The following MROH7 variants were observed in gnomAD, a reference collection of about 807,000 sequenced individuals.
MROH7 encodes the protein maestro heat like repeat family member 7.
A neutral mutation model predicts 129.2 loss-of-function variants in MROH7; 113 were observed. That is an observed-to-expected ratio of 0.87 (90% CI 0.75 to 1.02). The LOEUF (loss-of-function observed/expected upper bound fraction) is 1.02, where lower values mean the gene tolerates loss of function less well. MROH7 is among the 50% of genes least tolerant of loss of function. The pLI is 0.00. For synonymous variants in MROH7, 655 were observed against 667.9 expected, an observed-to-expected ratio of 0.98 and a Z score of 0.30; for missense variants, 1,601 against 1,671.3, an observed-to-expected ratio of 0.96 and a Z score of 0.73.
chr1:54,686,448 G>A lies in MROH7; in HGVS notation c.2711G>A (p.Arg904His), dbSNP rs762860440. 4.3e-5 allele frequency: 70 copies of A among 1,613,338 alleles called. No homozygotes were observed. Among genetic ancestry groups the A allele is most frequent in the Non-Finnish European group, 5.3e-5 (63 of 1,179,822 alleles). The change falls in exon 15 of 24, where the codon CGC becomes CAC. Residue 904 changes from arginine to histidine, a missense_variant and splice_region_variant. Transcript: ENST00000421030. Reference protein sequence around the residue: ...GAQPSPFVPVRWVVKVVKTLL... With the variant: ...GAQPSPFVPVHWVVKVVKTLL... ...CAGCCCTCTCCCTTCGTACCTGTGC[G>A]GTATGCTCTGCCCTCTCTCTTGACC... is the stretch of plus-strand genomic sequence containing the variant.
At chr1:54,674,494 G>C (rs1167696454) in intron 10 of MROH7, among the ~76,000 whole-genome samples, 2 of 152,114 alleles carry the variant, frequency 1.3e-5, no homozygotes, top group East Asian at 3.9e-4. Context: ...CCCCACTAGA[G>C]ACTATAATCC....
In MROH7 at chr1:54,663,186, C is replaced by T. The variant is rs1702008; in HGVS notation, c.1232-1981C>T. Among the ~76,000 whole-genome samples, 26 of 151,800 alleles carry T rather than the reference C, an allele frequency of 1.7e-4. No homozygotes were observed. The South Asian group carries it at 2.1e-3, about 12-fold the overall frequency. On this transcript the variant is annotated intron_variant, in intron 3 of 23. Coordinates refer to ENST00000421030, the MANE Select transcript of MROH7 (RefSeq NM_001039464.4). ...ATATCCCATTCCTCATCAAACTTTC[C>T]ATTTATTTATTTATTTATTTATTTG...
chr1:54,666,722 T>C (rs1342847900), intron 4 of MROH7, among the ~76,000 whole-genome samples: 1 of 151,928 alleles, frequency 6.6e-6, no homozygotes, highest in African/African-American at 2.4e-5. Context: ...GCTGGGATTA[T>C]AGCAGTGAGC....
intron 17 of MROH7, among the ~76,000 whole-genome samples, chr1:54,696,517 C>T (rs1645324428): frequency 6.6e-6 from 1 of 152,108 alleles, no homozygotes; most frequent in African/African-American, 2.4e-5. Flanking sequence ...CTATTCTACT[C>T]TCTATCTCTA....
Position 54,710,096 on chromosome 1 carries a change from GC to G in MROH7, c.3885del (p.Ser1296AlafsTer26), listed in dbSNP as rs752803994. 1.2e-6 allele frequency: 2 copies of G among 1,614,014 alleles called. No individual in the cohort carries two copies. Among genetic ancestry groups the G allele is most frequent in the South Asian group, 1.1e-5 (1 of 91,068 alleles). ...TACTCAGCCACCACCCACCGCTGGA[GC>G]CCCAGCTGTGAGAACCTGCCCACTT... is the stretch of plus-strand genomic sequence containing the variant. ...VCYSATTHRW[S>X]PSCENLPTSH... On this transcript the variant is annotated frameshift_variant, in exon 24 of 24. Transcript: ENST00000421030. LOFTEE classifies it high-confidence loss of function.
At chr1:54,656,750 G>T (rs985222127) in intron 3 of MROH7, among the ~76,000 whole-genome samples, 3 of 152,074 alleles carry the variant, frequency 2.0e-5, no homozygotes, top group African/African-American at 7.2e-5. Flanking sequence ...GGCAGAGGTT[G>T]CAGTAAGCCA....
intron 3 of MROH7, among the ~76,000 whole-genome samples, chr1:54,662,531 C>T (rs142396031): frequency 1.3e-5 from 2 of 149,976 alleles, no homozygotes; most frequent in East Asian, 3.9e-4. Context: ...AGTGAGACTC[C>T]ATTTCAAAGA....
intron 13 of MROH7, 112 bp from the exon 14 acceptor site, chr1:54,682,544 C>T: frequency 9.9e-7 from 1 of 1,012,616 alleles, no homozygotes; most frequent in South Asian, 1.5e-5. Context: ...CAGGTGTGCC[C>T]ATGGATGCCA....
Position 54,685,107 on chromosome 1 carries a change from C to T in MROH7, c.2521-1151C>T, listed in dbSNP as rs557715659. The stretch of plus-strand genomic sequence containing the variant: ...TTGGTTCACCACAACCCCTCCACCT[C>T]CCGGGTTGCAGTGATTCTCATGCCT... On this transcript the variant is annotated intron_variant, in intron 14 of 23. Transcript: ENST00000421030. Among the ~76,000 whole-genome samples, 231 of 152,194 alleles carry T rather than the reference C, an allele frequency of 1.5e-3. 1 individual carries two copies. The highest frequency in any genetic ancestry group is 1.8e-3 in the Non-Finnish European group (122 of 68,020).
rs1388022922 is a variant in MROH7 at position 54,653,638 on chromosome 1, G to A, written c.712G>A (p.Gly238Arg). The A allele has an allele frequency of 3.1e-6, 5 of 1,614,108 alleles. No individual in the cohort carries two copies. The highest frequency in any genetic ancestry group is 4.2e-6 in the Non-Finnish European group (5 of 1,180,012). The change falls in exon 3 of 24, where the codon GGG becomes AGG. Residue 238 changes from glycine (G) to arginine (R), a missense_variant. By Grantham distance (125) the Gly-to-Arg change is moderately radical. Coordinates refer to ENST00000421030, the MANE Select transcript of MROH7 (RefSeq NM_001039464.4). ...CCTGAATGTAGCTCCAGATTCTCAT[G>A]GGACCCTAATCCCAGACACAAATGA... is the stretch of plus-strand genomic sequence containing the variant. ...LNLNVAPDSH[G>R]TLIPDTNETI...
chr1:54,685,497 T>C (rs1171632499), intron 14 of MROH7, among the ~76,000 whole-genome samples: 1 of 152,112 alleles, frequency 6.6e-6, no homozygotes, highest in Non-Finnish European at 1.5e-5. Flanking sequence ...GAATGAGCCA[T>C]GAGTCTTGTG....
rs373050392 is a variant in MROH7 at position 54,686,326 on chromosome 1, T to G, written c.2589T>G (p.Pro863=). 1 of 1,614,004 alleles carries G rather than the reference T, an allele frequency of 6.2e-7. No homozygotes were observed. Among genetic ancestry groups the G allele is most frequent in the African/African-American group, 1.3e-5 (1 of 74,922 alleles). The change falls in exon 15 of 24, where the codon CCT becomes CCG. Residue 863 remains proline, a synonymous_variant. Coordinates refer to ENST00000421030, the MANE Select transcript of MROH7 (RefSeq NM_001039464.4). ...TGGGCCGTGTGAGGCGCATCTACCCTCAGCTGCTCCTGGCCCTGCTCATTC... is the reference window on the plus strand; with the variant it reads ...TGGGCCGTGTGAGGCGCATCTACCCGCAGCTGCTCCTGGCCCTGCTCATTC... ...SCMGRVRRIY[P]QLLLALLIQV...
At chr1:54,709,877 G>C (rs1402852931) in intron 23 of MROH7, 69 bp from the exon 24 acceptor site, 1 of 1,558,516 alleles carries the variant, frequency 6.4e-7, no homozygotes, top group Non-Finnish European at 8.7e-7. Flanking sequence ...GAGATGGGAA[G>C]GATTAGGTAT....
chr1:54,702,662 G>T lies in MROH7; in HGVS notation c.3481G>T (p.Ala1161Ser), dbSNP rs756553653. ...CCTGTTACGCTGTTCTTACTTCATG[G>T]CTTGGGAGTTGCCAAAAAGAGCTTA... is the stretch of plus-strand genomic sequence containing the variant. ...KTLLRCSYFM[A>S]WELPKRAYSR... is the part of the protein sequence containing the mutation. The change falls in exon 21 of 24, where the codon GCT becomes TCT. Residue 1161 changes from alanine (A) to serine (S), a missense_variant. Transcript: ENST00000421030. The T allele has an allele frequency of 3.1e-6, 5 of 1,613,694 alleles. No homozygotes were observed. Among genetic ancestry groups the T allele is most frequent in the Non-Finnish European group, 8.5e-7 (1 of 1,179,874 alleles).
intron 1 of MROH7, among the ~76,000 whole-genome samples, chr1:54,642,713 T>C (rs1452457781): frequency 1.3e-5 from 2 of 152,098 alleles, no homozygotes; most frequent in East Asian, 1.9e-4. Flanking sequence ...CCTCCCCGGC[T>C]CCAGTGACCC....
chr1:54,678,685 G>A, intron 10 of MROH7, 57 bp from the exon 11 acceptor site: 1 of 1,216,196 alleles, frequency 8.2e-7, no homozygotes, highest in Non-Finnish European at 1.2e-6. Flanking sequence ...CTTCCTACAT[G>A]TATGTTTAAC....
chr1:54,684,767 G>A (rs1645121190), intron 14 of MROH7, among the ~76,000 whole-genome samples: 1 of 152,134 alleles, frequency 6.6e-6, no homozygotes, highest in African/African-American at 2.4e-5. Context: ...CCCCTCTCTA[G>A]CCTTGGTGCT....
chr1:54,653,270 C>T lies in MROH7; in HGVS notation c.344C>T (p.Pro115Leu), dbSNP rs1557691075. ...LDLDSKDVSR[P>L]DSQGRLCPAS... ...CTGGATTCCAAGGATGTCTCAAGGC[C>T]TGACTCACAGGGGCGCCTCTGTCCA... Residue 115 changes from proline (P) to leucine (L), a missense_variant, in exon 3 of 24, where the codon CCT becomes CTT. Pro to Leu is a moderately conservative substitution (Grantham distance 98). Transcript: ENST00000421030. The T allele has an allele frequency of 2.5e-6, 4 of 1,614,170 alleles. No homozygotes were observed. Among genetic ancestry groups the T allele is most frequent in the South Asian group, 1.1e-5 (1 of 91,088 alleles).
rs1645024123 is a variant in MROH7, at chr1:54,678,915, T to G, written c.2049+61T>G. On this transcript the variant is annotated intron_variant, in intron 11 of 23. Transcript: ENST00000421030. ...GGGGGTGAGGAGGGGCAGTGCCACC[T>G]GGCCCCAAAGCTTTCTTCCCTTCTA... 2.3e-6 allele frequency: 3 copies of G among 1,320,152 alleles called. No individual in the cohort carries two copies. In the Admixed American group the frequency reaches 5.2e-5, roughly 23 times the overall value. 81.8% of individuals were successfully genotyped at this position (1,320,152 alleles called of 1,614,324 possible).
Sources: gnomAD v4.1 joint callset for allele counts (sites outside exome capture counted in the v4.1 genomes callset) on GRCh38, gnomAD v4.1.1 for gene constraint, MANE v1.5 for transcripts, NCBI Gene and HGNC (gene_info 2026-07-23, HGNC 2026-07-21) for gene names.